Variants in BNIP5 observed in about 807,000 individuals in gnomAD.
The protein encoded by BNIP5 is protein BNIP5.
Under a neutral mutation model 67.3 loss-of-function variants are expected in BNIP5, and 61 were observed. The observed-to-expected ratio is 0.91, with a 90% confidence interval of 0.74 to 1.12. The LOEUF is 1.12. Ranked by LOEUF, BNIP5 falls within the 50% of genes most tolerant of loss-of-function variation. The pLI is 0.00. For synonymous variants in BNIP5, 317 were observed against 319.0 expected (o/e 0.99, Z 0.07); for missense variants, 826 against 816.3 (o/e 1.01, Z -0.14).
At chr6:36,335,699 C>T (rs1424583370) in intron 1 of BNIP5, among the ~76,000 whole-genome samples, 1 of 152,218 alleles carries the variant, frequency 6.6e-6, no homozygotes, top group Non-Finnish European at 1.5e-5. Flanking sequence ...GACATGATCT[C>T]ATTTCATCTT....
intron 1 of BNIP5, among the ~76,000 whole-genome samples, chr6:36,331,819 T>C (rs2127371211): frequency 6.6e-6 from 1 of 152,242 alleles, no homozygotes; most frequent in African/African-American, 2.4e-5. Flanking sequence ...CATGAGCCAC[T>C]GCTGGCCTCC....
chr6:36,323,445 C>T lies in BNIP5; in HGVS notation c.1319G>A (p.Arg440Lys). ...RKSQEKRSSF[R>K]RAFYHKKHTS... ...GTGTTTCTTATGGTAAAACGCTCTC[C>T]TGAAGCTCGACCTTTTTTCTTGAGA... Residue 440 changes from arginine (R) to lysine (K), a missense_variant, in exon 8 of 12, where the codon AGG (arginine) becomes AAG (lysine). By Grantham distance (26) the Arg-to-Lys change is conservative. Transcript: ENST00000437635. 6.2e-7 allele frequency: 1 copy of T among 1,614,258 alleles called. No individual in the cohort carries two copies. Among genetic ancestry groups the T allele is most frequent in the South Asian group, 1.1e-5 (1 of 91,092 alleles).
chr6:36,325,353 G>C lies in BNIP5; in HGVS notation c.1098C>G (p.Ser366=). 1 of 1,614,112 alleles carries C rather than the reference G, an allele frequency of 6.2e-7. No homozygotes were observed. Among genetic ancestry groups the C allele is most frequent in the Non-Finnish European group, 8.5e-7 (1 of 1,179,972 alleles). The change falls in exon 6 of 12, where the codon TCC becomes TCG. Residue 366 remains serine (S), a synonymous_variant. Coordinates refer to ENST00000437635, the MANE Select transcript of BNIP5 (RefSeq NM_001010903.5). ...GGCTCTCTGATGGGGTGGGAAGCACGGAGGGACCTGGAGCCCCAGCCTCTG... is the reference window on the plus strand; with the variant it reads ...GGCTCTCTGATGGGGTGGGAAGCACCGAGGGACCTGGAGCCCCAGCCTCTG... ...PSTEAGAPGP[S]VLPTPSESQE...
intron 7 of BNIP5, among the ~76,000 whole-genome samples, chr6:36,323,912 A>T (rs1479783098): frequency 6.6e-6 from 1 of 151,686 alleles, no homozygotes; most frequent in Non-Finnish European, 1.5e-5. Flanking sequence ...AGGCAGGAGA[A>T]TCGCTGGAGC....
At chr6:36,330,769 G>A in intron 1 of BNIP5, 75 bp from the exon 2 acceptor site, 1 of 1,493,106 alleles carries the variant, frequency 6.7e-7, no homozygotes, top group Non-Finnish European at 8.8e-7. Context: ...TGTTTTGTTT[G>A]TTTTTGTTTT....
At position 36,326,613 on chromosome 6, in the gene BNIP5, C is replaced by A. The variant is rs775047253; in HGVS notation, c.933G>T (p.Arg311Ser). The A allele has an allele frequency of 1.9e-6, 3 of 1,614,250 alleles. No individual in the cohort carries two copies. The highest frequency in any genetic ancestry group is 1.1e-5 in the South Asian group (1 of 91,090). ...CTGGACTGGAAACATCTGCAGCCCC[C>A]CTCTTGGCCTCCTCGGAGCCGTGTT... ...PKKHGSEEAK[R>S]GAADVSSPEA... Residue 311 changes from arginine to serine, a missense_variant, in exon 5 of 12, where the codon AGG (arginine) becomes AGT (serine). By Grantham distance (110) the Arg-to-Ser change is moderately radical (BLOSUM62 -1). Coordinates refer to ENST00000437635, the MANE Select transcript of BNIP5 (RefSeq NM_001010903.5).
chr6:36,322,037 C>T (rs17284939), intron 9 of BNIP5, among the ~76,000 whole-genome samples: 26,976 of 152,216 alleles, frequency 0.18, 2,720 homozygotes, highest in Non-Finnish European at 0.23. Flanking sequence ...CCGGAGCAAG[C>T]TAGGAATTTC....
chr6:36,322,621 C>G (rs956402571), intron 8 of BNIP5, among the ~76,000 whole-genome samples, 179 bp from the exon 9 acceptor site: 37 of 152,256 alleles, frequency 2.4e-4, no homozygotes, highest in African/African-American at 8.4e-4. Context: ...CTCCAGAAAC[C>G]TAACTTTCGC....
intron 1 of BNIP5, among the ~76,000 whole-genome samples, chr6:36,334,177 A>G (rs1182955668): frequency 6.6e-6 from 1 of 152,156 alleles, no homozygotes; most frequent in Non-Finnish European, 1.5e-5. Context: ...GCTTTCCCTG[A>G]TGTTTTTTCA....
chr6:36,316,665 A>G lies in BNIP5; in HGVS notation c.*691T>C. On this transcript the variant is annotated 3_prime_UTR_variant, in exon 12 of 12. Coordinates refer to ENST00000437635, the MANE Select transcript of BNIP5 (RefSeq NM_001010903.5). Reference sequence around the variant, plus strand: ...CACTAGGTAATTTTCAGAACTCTTCACATCCATTTTCTCACTGACTCCTAG... The same window carrying G: ...CACTAGGTAATTTTCAGAACTCTTCGCATCCATTTTCTCACTGACTCCTAG... The G allele has an allele frequency of 5.0e-6, 2 of 398,646 alleles. No individual in the cohort carries two copies. The highest frequency in any genetic ancestry group is 4.4e-6 in the Non-Finnish European group (1 of 226,098). 24.7% of individuals were successfully genotyped at this position (398,646 alleles called of 1,614,324 possible). A position where few individuals can be genotyped will look rare whatever the true frequency, so the allele number is the denominator to read the frequency against.
At chr6:36,335,364 C>T (rs898418814) in intron 1 of BNIP5, among the ~76,000 whole-genome samples, 6 of 152,162 alleles carry the variant, frequency 3.9e-5, no homozygotes, top group Non-Finnish European at 5.9e-5. Flanking sequence ...ACAGCAGCAC[C>T]CTGAGGGACA....
In BNIP5 at chr6:36,330,310, C is replaced by T. The variant is rs537413948; in HGVS notation, c.381G>A (p.Glu127=). The T allele has an allele frequency of 1.3e-4, 207 of 1,614,230 alleles. No homozygotes were observed. The Admixed American group carries it at 2.3e-3, about 18-fold the overall frequency. ...GGGGCTCCGGATGCTGGGAGATACC[C>T]TCCTTCCCCCTTGGCCTCCTGCTGG... The part of the protein sequence containing the change: ...EKASRRPRGK[E]GISQHPEPLE... Residue 127 remains glutamate (E), a synonymous_variant, in exon 2 of 12, where the codon GAG becomes GAA. Transcript: ENST00000437635.
intron 3 of BNIP5, among the ~76,000 whole-genome samples, chr6:36,327,363 G>C (rs1238895074): frequency 2.0e-5 from 3 of 152,224 alleles, no homozygotes; most frequent in Non-Finnish European, 2.9e-5. Context: ...GAAAGTCACA[G>C]ATCTAGGAAC....
At chr6:36,320,748 C>T (rs1215193022) in intron 10 of BNIP5, among the ~76,000 whole-genome samples, 1 of 152,160 alleles carries the variant, frequency 6.6e-6, no homozygotes, top group African/African-American at 2.4e-5. Context: ...CTGAAGAGCA[C>T]GGCAAGACCG....
At chr6:36,330,956 G>T (rs1771892599) in intron 1 of BNIP5, among the ~76,000 whole-genome samples, 1 of 152,128 alleles carries the variant, frequency 6.6e-6, no homozygotes, top group South Asian at 2.1e-4. Flanking sequence ...TAGAGATGGG[G>T]TTTCACCGTG....
intron 2 of BNIP5, among the ~76,000 whole-genome samples, chr6:36,329,536 C>T (rs572546587): frequency 4.7e-4 from 72 of 152,238 alleles, no homozygotes; most frequent in Non-Finnish European, 8.1e-4. Context: ...GTGGGCCGGG[C>T]GTGGTGGCTC....
intron 9 of BNIP5, among the ~76,000 whole-genome samples, chr6:36,321,963 A>G (rs1254229578): frequency 6.6e-6 from 1 of 152,228 alleles, no homozygotes; most frequent in Non-Finnish European, 1.5e-5. Flanking sequence ...TGCAAATGCT[A>G]CAAAGTAGGG....
chr6:36,326,720 G>C lies in BNIP5; in HGVS notation c.826C>G (p.Pro276Ala), dbSNP rs751712307. Residue 276 changes from proline to alanine, a missense_variant, in exon 5 of 12, where the codon CCA becomes GCA. Pro to Ala is a conservative substitution (Grantham distance 27). Transcript: ENST00000437635. ...SLASQLGVAL[P>A]NPAPAVRKKS... The stretch of plus-strand genomic sequence containing the variant: ...TTCCTAACAGCTGGTGCTGGGTTTG[G>C]CAGGGCCACCCCCAGCTGTGAGGCC... 1.2e-5 allele frequency: 20 copies of C among 1,614,226 alleles called. No individual in the cohort carries two copies. In the South Asian group the frequency reaches 2.1e-4, roughly 17 times the overall value.
chr6:36,333,380 T>C (rs1228407067), intron 1 of BNIP5, among the ~76,000 whole-genome samples: 1 of 152,240 alleles, frequency 6.6e-6, no homozygotes, highest in Non-Finnish European at 1.5e-5. Flanking sequence ...CTTTTAGCAA[T>C]ATGTATCTGT....
Sources: allele counts gnomAD v4.1 joint callset (sites outside exome capture counted in the v4.1 genomes callset), GRCh38; gene constraint gnomAD v4.1.1; transcripts MANE v1.5; gene names NCBI Gene and HGNC (gene_info 2026-07-23, HGNC 2026-07-21).